The following TRIOBP variants were observed in gnomAD, a reference collection of about 807,000 sequenced individuals.
The protein encoded by TRIOBP is TRIO and F-actin binding protein, also known as TRIO and F-actin-binding protein.
Under a neutral mutation model 238.8 loss-of-function variants are expected in TRIOBP, and 169 were observed. The ratio of observed to expected loss-of-function variants is 0.71; its 90% CI spans 0.62 to 0.80. The LOEUF is 0.80. TRIOBP is among the 30% of genes least tolerant of loss of function. TRIOBP has a pLI of 0.00. For synonymous variants in TRIOBP, 1,150 were observed against 1,274.4 expected, an observed-to-expected ratio of 0.90 and a Z score of 2.08; for missense variants, 2,838 against 3,122.6, an observed-to-expected ratio of 0.91 and a Z score of 2.17.
intron 7 of TRIOBP, among the ~76,000 whole-genome samples, chr22:37,731,805 G>T (rs1924433309): frequency 6.6e-6 from 1 of 152,000 alleles, no homozygotes; most frequent in Admixed American, 6.6e-5. Flanking sequence ...GTCTAGGCTG[G>T]TCTTGAACTC....
At chr22:37,744,625 A>G (rs963669341) in intron 11 of TRIOBP, among the ~76,000 whole-genome samples, 130 of 152,240 alleles carry the variant, frequency 8.5e-4, no homozygotes, top group African/African-American at 2.9e-3. Flanking sequence ...CCCTGGTGGT[A>G]GGTGAGGTCT....
chr22:37,741,804 G>T (rs1381944125), intron 11 of TRIOBP, among the ~76,000 whole-genome samples: 1 of 152,208 alleles, frequency 6.6e-6, no homozygotes. Context: ...GAGAAGGGTT[G>T]TAGCCAAACT....
In TRIOBP at chr22:37,741,031, G is replaced by T; in HGVS notation, c.5321G>T (p.Arg1774Met). 1 of 1,562,928 alleles carries T rather than the reference G, an allele frequency of 6.4e-7. No individual in the cohort carries two copies. Among genetic ancestry groups the T allele is most frequent in the East Asian group, 2.4e-5 (1 of 42,202 alleles). ...TCTCTGGGGGTCCTCAGGTGGCGAAGGGTAGGCTGGCTCCAGTGGGGACTG... is the reference window on the plus strand; with the variant it reads ...TCTCTGGGGGTCCTCAGGTGGCGAATGGTAGGCTGGCTCCAGTGGGGACTG... ...LLSLGVLRWRRPDLLNFKKGW... is the reference protein window; with the variant it reads ...LLSLGVLRWRMPDLLNFKKGW... Residue 1774 changes from arginine (R) to methionine (M), a missense_variant and splice_region_variant, in exon 11 of 24, where the codon AGG becomes ATG. Arg to Met is a moderately conservative substitution (Grantham distance 91, BLOSUM62 -1). Transcript: ENST00000644935.
intron 9 of TRIOBP, among the ~76,000 whole-genome samples, chr22:37,738,300 T>A (rs1007625955): frequency 3.9e-5 from 6 of 152,240 alleles, no homozygotes; most frequent in African/African-American, 1.4e-4. Flanking sequence ...TATGAATGGA[T>A]AGATGTGGCA....
rs762380317 is a variant in TRIOBP at position 37,769,292 on chromosome 22, G to A, written c.6766G>A (p.Asp2256Asn). ...GCATGGCCGCCTGTCAGAGGAGATAGACCAGCTGCGCGGCTTCATTGCCTC... is the reference window on the plus strand; with the variant it reads ...GCATGGCCGCCTGTCAGAGGAGATAAACCAGCTGCGCGGCTTCATTGCCTC... ...ELHGRLSEEI[D>N]QLRGFIASQG... Residue 2256 changes from aspartate to asparagine, a missense_variant, in exon 21 of 24, where the codon GAC becomes AAC. Asp to Asn is a conservative substitution (Grantham distance 23, BLOSUM62 1). Around this residue, in one of 5 missense-constraint regions of TRIOBP, gnomAD observed 2,096 missense variants for 2,137.4 expected, o/e 0.98. Coordinates refer to ENST00000644935, the MANE Select transcript of TRIOBP (RefSeq NM_001039141.3). The A allele has an allele frequency of 6.2e-7, 1 of 1,611,988 alleles. No homozygotes were observed. Among genetic ancestry groups the A allele is most frequent in the Non-Finnish European group, 8.5e-7 (1 of 1,179,480 alleles).
At chr22:37,754,730 G>A (rs1925819017) in intron 12 of TRIOBP, 147 bp from the exon 13 acceptor site, 1 of 765,220 alleles carries the variant, frequency 1.3e-6, no homozygotes, top group African/African-American at 1.7e-5. Context: ...TACCCCTGAG[G>A]CTCAGAGAGG....
intron 21 of TRIOBP, among the ~76,000 whole-genome samples, chr22:37,770,951 G>A (rs1179701664): frequency 6.6e-6 from 1 of 152,148 alleles, no homozygotes; most frequent in Non-Finnish European, 1.5e-5. Flanking sequence ...CAAAGTGCTG[G>A]GATTACAGGC....
chr22:37,697,576 T>G lies in TRIOBP; in HGVS notation c.-169-12T>G, dbSNP rs1922415203. 1 of 152,154 alleles carries G rather than the reference T, an allele frequency of 6.6e-6. No homozygotes were observed. Among genetic ancestry groups the G allele is most frequent in the Admixed American group, 6.6e-5 (1 of 15,260 alleles). 9.4% of individuals were successfully genotyped at this position (152,154 alleles called of 1,614,324 possible). On this transcript the variant is annotated splice_polypyrimidine_tract_variant and intron_variant, in intron 1 of 23. Transcript: ENST00000644935. Reference sequence around the variant, plus strand: ...TGCCTTGCTGTCGCCCCCACCGCATTCCCTTCTCCAGGTCTGATGATGGAG... The same window carrying G: ...TGCCTTGCTGTCGCCCCCACCGCATGCCCTTCTCCAGGTCTGATGATGGAG...
rs1384348763 is a variant in TRIOBP, at chr22:37,697,701, G to A, written c.-61+5G>A. 6.6e-6 allele frequency: 1 copy of A among 152,338 alleles called. No homozygotes were observed. The highest frequency in any genetic ancestry group is 1.5e-5 in the Non-Finnish European group (1 of 68,128). The allele number at this position is 152,338 out of a possible 1,614,324, so 9.4% of individuals were successfully genotyped here. A position where few individuals can be genotyped will look rare whatever the true frequency, so the allele number is the denominator to read the frequency against. On this transcript the variant is annotated splice_donor_5th_base_variant and intron_variant, in intron 2 of 23. Coordinates refer to ENST00000644935, the MANE Select transcript of TRIOBP (RefSeq NM_001039141.3). ...TGATCCCCTGGAACACAGCAGGTGA[G>A]GATGGATGTGGGCAGGTGACCTGGG...
In TRIOBP at chr22:37,715,850, C is replaced by T; in HGVS notation, c.544C>T (p.Pro182Ser). Reference protein sequence around the residue: ...VMIPRRPREGPRADSSQRAPS... With the variant: ...VMIPRRPREGSRADSSQRAPS... ...GATCCCGAGGAGGCCTCGGGAGGGGCCGAGAGCTGACAGCTCCCAAAGGGC... is the reference window on the plus strand; with the variant it reads ...GATCCCGAGGAGGCCTCGGGAGGGGTCGAGAGCTGACAGCTCCCAAAGGGC... The change falls in exon 6 of 24, where the codon CCG (proline) becomes TCG (serine). Residue 182 changes from proline (P) to serine (S), a missense_variant. By Grantham distance (74) the Pro-to-Ser change is moderately conservative. Coordinates refer to ENST00000644935, the MANE Select transcript of TRIOBP (RefSeq NM_001039141.3). The T allele has an allele frequency of 6.2e-7, 1 of 1,614,008 alleles. No individual in the cohort carries two copies. Among genetic ancestry groups the T allele is most frequent in the African/African-American group, 1.3e-5 (1 of 75,046 alleles).
chr22:37,731,415 A>G (rs1024376484), intron 7 of TRIOBP, among the ~76,000 whole-genome samples: 4 of 151,132 alleles, frequency 2.6e-5, no homozygotes, highest in African/African-American at 7.3e-5. Flanking sequence ...TGCTGGAATT[A>G]CAGGTGTAAA....
intron 6 of TRIOBP, among the ~76,000 whole-genome samples, chr22:37,719,693 A>G (rs978538579): frequency 1.3e-5 from 2 of 151,130 alleles, no homozygotes; most frequent in African/African-American, 4.9e-5. Flanking sequence ...CCGATCCCTC[A>G]CTCCTGGTCT....
intron 4 of TRIOBP, among the ~76,000 whole-genome samples, chr22:37,711,592 A>G (rs1569034674): frequency 2.0e-5 from 1 of 49,666 alleles, no homozygotes; most frequent in Admixed American, 3.2e-4. Flanking sequence ...AAAAAAAAAA[A>G]CAACAAAAAA....
intron 7 of TRIOBP, among the ~76,000 whole-genome samples, chr22:37,731,645 T>C (rs1924426067): frequency 6.6e-6 from 1 of 151,232 alleles, no homozygotes; most frequent in Non-Finnish European, 1.5e-5. Flanking sequence ...TTAGTAGAGA[T>C]TGGGTTTCAC....
intron 22 of TRIOBP, 124 bp downstream of exon 22, chr22:37,771,860 T>A: frequency 1.2e-6 from 1 of 856,044 alleles, no homozygotes; most frequent in Non-Finnish European, 1.9e-6. Flanking sequence ...TCTCCTGTGC[T>A]TCTCCCATGT....
intron 5 of TRIOBP, among the ~76,000 whole-genome samples, chr22:37,715,531 G>A (rs986812237): frequency 5.9e-5 from 9 of 151,434 alleles, no homozygotes; most frequent in Non-Finnish European, 1.0e-4. Context: ...TTTTAGTAGA[G>A]ATGGGGTTTC....
At chr22:37,703,463 C>G (rs1922764824) in intron 3 of TRIOBP, among the ~76,000 whole-genome samples, 1 of 151,860 alleles carries the variant, frequency 6.6e-6, no homozygotes, top group African/African-American at 2.4e-5. Context: ...CAACCTTGAC[C>G]ACCATGGCTT....
chr22:37,709,878 C>T (rs972441167), intron 3 of TRIOBP, among the ~76,000 whole-genome samples: 1 of 152,200 alleles, frequency 6.6e-6, no homozygotes, highest in Non-Finnish European at 1.5e-5. Flanking sequence ...TCTCTTCTGT[C>T]CTCCAAGACC....
intron 17 of TRIOBP, among the ~76,000 whole-genome samples, chr22:37,762,394 C>G (rs1926290172): frequency 6.6e-6 from 1 of 152,204 alleles, no homozygotes; most frequent in African/African-American, 2.4e-5. Context: ...ATAGAGCCAG[C>G]TTTAGATTTC....
Sources: allele counts gnomAD v4.1 joint callset (sites outside exome capture counted in the v4.1 genomes callset), GRCh38; gene constraint gnomAD v4.1.1; regional missense constraint gnomAD v4.1.1; transcripts MANE v1.5; gene names NCBI Gene and HGNC (gene_info 2026-07-23, HGNC 2026-07-21).